Variants in SVIL observed in about 807,000 individuals in gnomAD.
SVIL encodes supervillin.
A neutral mutation model predicts 240.4 loss-of-function variants in SVIL; 101 were observed. The observed-to-expected ratio is 0.42, with a 90% CI of 0.36 to 0.50. SVIL has a LOEUF of 0.50. Ranked by LOEUF, SVIL falls within the 20% of genes least tolerant of loss-of-function variation. The pLI is 0.01. For synonymous variants in SVIL, 999 were observed against 1,100.0 expected, an observed-to-expected ratio of 0.91 and a Z score of 1.82; for missense variants, 2,512 against 2,818.7, an observed-to-expected ratio of 0.89 and a Z score of 2.46.
At position 29,505,504 on chromosome 10, in the gene SVIL, C is replaced by T. The variant is rs534941407; in HGVS notation, c.3517-6241G>A. 1.8e-3 allele frequency among the ~76,000 whole-genome samples: 275 copies of T among 151,936 alleles called. 12 individuals carry two copies. In the South Asian group the frequency reaches 0.054, roughly 30 times the overall value. ...AAACCATGTGACAGTAAAAAATGAC[C>T]GGTTGCCAAGGACTGGGCGGTGAGA... On this transcript the variant is annotated intron_variant, in intron 17 of 37. Transcript: ENST00000355867.
intron 17 of SVIL, among the ~76,000 whole-genome samples, chr10:29,499,776 A>C (rs1437458895): frequency 2.0e-5 from 3 of 152,158 alleles, no homozygotes; most frequent in East Asian, 1.9e-4. Context: ...GTTTTCTGGC[A>C]CTCTGCTTGC....
chr10:29,519,483 G>A (rs925200787), intron 16 of SVIL, among the ~76,000 whole-genome samples: 7 of 152,130 alleles, frequency 4.6e-5, no homozygotes, highest in African/African-American at 1.7e-4. Context: ...AATAAATGGA[G>A]GAATAACATT....
At chr10:29,460,179 A>T (rs1281493842) in intron 36 of SVIL, among the ~76,000 whole-genome samples, 1 of 152,144 alleles carries the variant, frequency 6.6e-6, no homozygotes, top group Non-Finnish European at 1.5e-5. Context: ...TGGCCAAGTG[A>T]CTTCGTGTTT....
chr10:29,688,610 C>A (rs1420611826), intron 1 of SVIL, among the ~76,000 whole-genome samples: 1 of 152,130 alleles, frequency 6.6e-6, no homozygotes. Context: ...GTCATTTGAG[C>A]ACTGAAATGC....
chr10:29,460,719 A>G (rs1944154037), intron 36 of SVIL, among the ~76,000 whole-genome samples: 1 of 152,128 alleles, frequency 6.6e-6, no homozygotes, highest in Admixed American at 6.6e-5. Context: ...GACCAGACTG[A>G]GAGACATGGC....
chr10:29,671,935 T>C (rs1379489166), intron 2 of SVIL, among the ~76,000 whole-genome samples: 1 of 152,226 alleles, frequency 6.6e-6, no homozygotes, highest in African/African-American at 2.4e-5. Context: ...AGTCTGAATC[T>C]CTATTATTAA....
intron 3 of SVIL, among the ~76,000 whole-genome samples, chr10:29,559,695 GTCTGTTAC>G (rs1319129973): frequency 1.3e-5 from 2 of 152,124 alleles, no homozygotes; most frequent in African/African-American, 4.8e-5. Flanking sequence ...TGCTATGTTG[GTCTGTTAC>G]TCTTCTTTGA....
intron 29 of SVIL, among the ~76,000 whole-genome samples, chr10:29,474,559 C>T (rs1464183822): frequency 6.6e-6 from 1 of 151,664 alleles, no homozygotes; most frequent in East Asian, 1.9e-4. Context: ...TGTGTCACTG[C>T]ACTCCAGCCT....
chr10:29,621,989 G>A (rs924214043), intron 1 of SVIL, among the ~76,000 whole-genome samples: 9 of 151,874 alleles, frequency 5.9e-5, no homozygotes, highest in South Asian at 4.2e-4. Context: ...GGTGGCTCAC[G>A]CCTGTAATCC....
At chr10:29,547,509 A>G (rs1185227084) in intron 6 of SVIL, among the ~76,000 whole-genome samples, 1 of 152,190 alleles carries the variant, frequency 6.6e-6, no homozygotes, top group Non-Finnish European at 1.5e-5. Context: ...GAAAACTTCT[A>G]GGTAACATGC....
At chr10:29,621,230 C>T (rs1035124324) in intron 1 of SVIL, among the ~76,000 whole-genome samples, 1 of 152,236 alleles carries the variant, frequency 6.6e-6, no homozygotes, top group Non-Finnish European at 1.5e-5. Flanking sequence ...ATCTCACTTG[C>T]CTGTGGTATT....
intron 1 of SVIL, among the ~76,000 whole-genome samples, chr10:29,606,856 G>A (rs1957045249): frequency 6.6e-6 from 1 of 152,164 alleles, no homozygotes. Flanking sequence ...CTGTGTTCAA[G>A]CAGTTCTCCT....
At chr10:29,485,020 C>CT (rs1947260338) in intron 26 of SVIL, among the ~76,000 whole-genome samples, 189 bp from the exon 27 acceptor site, 1 of 152,108 alleles carries the variant, frequency 6.6e-6, no homozygotes, top group Non-Finnish European at 1.5e-5. Flanking sequence ...AGCCTCTGCC[C>CT]TGCGGGCACG....
At chr10:29,507,190 C>A (rs912626107) in intron 17 of SVIL, among the ~76,000 whole-genome samples, 2 of 152,046 alleles carry the variant, frequency 1.3e-5, no homozygotes, top group African/African-American at 4.8e-5. Flanking sequence ...CCTCCCCTCG[C>A]TGAGTCTTCC....
chr10:29,553,496 G>A (rs369314826), intron 5 of SVIL, among the ~76,000 whole-genome samples: 11 of 152,080 alleles, frequency 7.2e-5, no homozygotes, highest in African/African-American at 2.4e-4. Flanking sequence ...CAGGAGAATC[G>A]CTTAAACCTG....
At position 29,580,174 on chromosome 10, in the gene SVIL, TA is replaced by T. The variant is rs892417866; in HGVS notation, c.-200-10863del. Among the ~76,000 whole-genome samples the T allele has an allele frequency of 7.5e-3, 1,094 of 146,794 alleles. 11 individuals are homozygous for T. The highest frequency in any genetic ancestry group is 0.025 in the African/African-American group (1,007 of 40,148). On this transcript the variant is annotated intron_variant, in intron 1 of 37. Transcript: ENST00000355867. Reference sequence around the variant, plus strand: ...TTAGACTCTGTCTCTACAAAAAATTTAAAAAAAAAAAATTTAGCTGGGCATG... The same window carrying T: ...TTAGACTCTGTCTCTACAAAAAATTTAAAAAAAAAAATTTAGCTGGGCATG...
rs767201784 is a variant in SVIL, at chr10:29,458,308, T to C, written c.6584A>G (p.Glu2195Gly). 1 of 1,614,240 alleles carries C rather than the reference T, an allele frequency of 6.2e-7. No homozygotes were observed. Among genetic ancestry groups the C allele is most frequent in the Admixed American group, 1.7e-5 (1 of 60,028 alleles). Residue 2195 changes from glutamate (E) to glycine (G), a missense_variant, in exon 38 of 38, where the codon GAA (glutamate) becomes GGA (glycine). Physicochemically the swap from Glu to Gly is moderately conservative, Grantham distance 98. Around this residue, in one of 3 missense-constraint regions of SVIL, gnomAD observed 797 missense variants for 925.3 expected, o/e 0.86. Coordinates refer to ENST00000355867, the MANE Select transcript of SVIL (RefSeq NM_021738.3). ...FEFALDMTRD[E>G]YNALPAWKQV... is the part of the protein sequence containing the mutation. ...CTTCCAGGCGGGCAGGGCGTTGTAT[T>C]CATCCCTCGTCATGTCTAGTGCAAA...
At chr10:29,559,044 T>A (rs1487531393) in intron 3 of SVIL, among the ~76,000 whole-genome samples, 1 of 151,012 alleles carries the variant, frequency 6.6e-6, no homozygotes, top group Non-Finnish European at 1.5e-5. Flanking sequence ...TTTTGTACTA[T>A]TAATAGCATA....
At chr10:29,520,000 T>A (rs1950460531) in intron 16 of SVIL, among the ~76,000 whole-genome samples, 1 of 152,178 alleles carries the variant, frequency 6.6e-6, no homozygotes, top group East Asian at 1.9e-4. Context: ...AAAATGAGAA[T>A]TTTACAGTAG....
Sources: allele counts gnomAD v4.1 joint callset (sites outside exome capture counted in the v4.1 genomes callset), GRCh38; gene constraint gnomAD v4.1.1; regional missense constraint gnomAD v4.1.1; transcripts MANE v1.5; gene names NCBI Gene and HGNC (gene_info 2026-07-23, HGNC 2026-07-21).